MRPL13: variants seen among roughly 807,000 people sequenced by gnomAD.
MRPL13 encodes mitochondrial ribosomal protein L13.
Under a neutral mutation model 29.0 loss-of-function variants are expected in MRPL13, and 33 were observed. The ratio of observed to expected loss-of-function variants is 1.14; its 90% CI spans 0.86 to 1.52. The LOEUF is 1.52. Ranked by LOEUF, MRPL13 falls within the 40% of genes most tolerant of loss-of-function variation. The pLI is 0.00. For synonymous variants in MRPL13, 77 were observed against 68.4 expected, an observed-to-expected ratio of 1.13 and a Z score of -0.62; for missense variants, 227 against 216.7, an observed-to-expected ratio of 1.05 and a Z score of -0.30.
chr8:120,397,333 A>C (rs1012754463), intron 6 of MRPL13, among the ~76,000 whole-genome samples: 5 of 152,142 alleles, frequency 3.3e-5, no homozygotes, highest in African/African-American at 1.2e-4. Context: ...AAATTCTCCA[A>C]GGAAGGGAGC....
intron 2 of MRPL13, among the ~76,000 whole-genome samples, chr8:120,434,224 A>G (rs1813027553): frequency 1.3e-5 from 2 of 152,110 alleles, no homozygotes; most frequent in South Asian, 4.1e-4. Context: ...TTCTCCCTTA[A>G]GCCAGAATGA....
chr8:120,432,162 A>T (rs767603965), intron 2 of MRPL13, 39 bp from the exon 3 acceptor site: 236 of 1,491,544 alleles, frequency 1.6e-4, no homozygotes, highest in Non-Finnish European at 2.1e-4. Context: ...TAAGAAAAAT[A>T]AAAACCTTAA....
intron 6 of MRPL13, among the ~76,000 whole-genome samples, chr8:120,407,410 G>A (rs1812686783): frequency 6.6e-6 from 1 of 152,040 alleles, no homozygotes; most frequent in Non-Finnish European, 1.5e-5. Context: ...ACTTTGGGAG[G>A]CCGAGGTGGG....
intron 4 of MRPL13, among the ~76,000 whole-genome samples, chr8:120,423,614 G>A (rs1812898573): frequency 6.6e-6 from 1 of 152,078 alleles, no homozygotes; most frequent in Non-Finnish European, 1.5e-5. Context: ...TGGAATAATT[G>A]TTATCTTAGA....
intron 3 of MRPL13, among the ~76,000 whole-genome samples, chr8:120,427,740 G>A (rs917268569): frequency 4.6e-5 from 7 of 151,976 alleles, no homozygotes; most frequent in Non-Finnish European, 2.9e-5. Flanking sequence ...GAGGTGTGAG[G>A]ACTTCTTGAG....
chr8:120,404,246 G>A (rs1010652866), intron 6 of MRPL13, among the ~76,000 whole-genome samples: 2 of 152,140 alleles, frequency 1.3e-5, no homozygotes, highest in African/African-American at 4.8e-5. Context: ...TGCCCCACAA[G>A]AAGTCTGCAA....
chr8:120,401,554 T>C (rs1413213514), intron 6 of MRPL13, among the ~76,000 whole-genome samples: 4 of 152,130 alleles, frequency 2.6e-5, no homozygotes, highest in African/African-American at 9.7e-5. Flanking sequence ...TCATACTGAA[T>C]GGCGAAAAGC....
At chr8:120,396,461 T>G (rs1812525854) in intron 6 of MRPL13, among the ~76,000 whole-genome samples, 1 of 152,188 alleles carries the variant, frequency 6.6e-6, no homozygotes, top group Non-Finnish European at 1.5e-5. Context: ...TACTATAATC[T>G]TTAAGAGTTT....
chr8:120,432,081 ATG>A lies in MRPL13; in HGVS notation c.192_193del (p.Ile65CysfsTer23), dbSNP rs1405270128. ...TTCCCATTTGTTTCCAGAAAATGCA[ATG>A]TGTCTTGTGTTCATTATAACAACAT... On this transcript the variant is annotated frameshift_variant, in exon 3 of 7. Coordinates refer to ENST00000306185, the MANE Select transcript of MRPL13 (RefSeq NM_014078.6). LOFTEE classifies it high-confidence loss of function. 3.7e-6 allele frequency: 6 copies of A among 1,609,870 alleles called. No homozygotes were observed. The South Asian group carries it at 5.5e-5, about 15-fold the overall frequency.
At chr8:120,438,732 C>T (rs1363338764) in intron 2 of MRPL13, among the ~76,000 whole-genome samples, 1 of 152,198 alleles carries the variant, frequency 6.6e-6, no homozygotes, top group African/African-American at 2.4e-5. Context: ...GAATTTCCTA[C>T]ATAAGAAACA....
intron 6 of MRPL13, among the ~76,000 whole-genome samples, chr8:120,410,146 G>A (rs1309636238): frequency 6.6e-6 from 1 of 152,078 alleles, no homozygotes; most frequent in Non-Finnish European, 1.5e-5. Flanking sequence ...ATTATAAGAT[G>A]TACATTCTAA....
chr8:120,407,376 A>C (rs1174685295), intron 6 of MRPL13, among the ~76,000 whole-genome samples: 1 of 152,160 alleles, frequency 6.6e-6, no homozygotes, highest in Admixed American at 6.5e-5. Context: ...GTGACACTTA[A>C]CATTATTGGT....
At chr8:120,404,969 C>T (rs11988845) in intron 6 of MRPL13, among the ~76,000 whole-genome samples, 1 of 152,096 alleles carries the variant, frequency 6.6e-6, no homozygotes, top group Admixed American at 6.5e-5. Flanking sequence ...CAGTGGATGC[C>T]TAGTATATCT....
chr8:120,409,462 A>G (rs531140477), intron 6 of MRPL13, among the ~76,000 whole-genome samples: 1 of 152,342 alleles, frequency 6.6e-6, no homozygotes, highest in East Asian at 1.9e-4. Flanking sequence ...AACTGCAATA[A>G]TCATGTAACA....
chr8:120,444,929 T>A, intron 1 of MRPL13, 139 bp downstream of exon 1: 1 of 1,035,134 alleles, frequency 9.7e-7, no homozygotes, highest in Non-Finnish European at 1.5e-6. Flanking sequence ...GACGACCCTC[T>A]TGTGCTTTCC....
chr8:120,415,059 A>C (rs1223078891), intron 5 of MRPL13: 1 of 152,214 alleles, frequency 6.6e-6, no homozygotes, highest in Non-Finnish European at 1.5e-5. Flanking sequence ...AAAAGAAGAA[A>C]GCATTGGAAT....
rs1812919267 is a variant in MRPL13, at chr8:120,425,291, A to G, written c.306+15T>C. On this transcript the variant is annotated intron_variant, in intron 4 of 6. Coordinates refer to ENST00000306185, the MANE Select transcript of MRPL13 (RefSeq NM_014078.6). The stretch of plus-strand genomic sequence containing the variant: ...TCTTTCCAAAGATGATTAATAAAAA[A>G]TACAAGAAACTTACTGCCACTGGAT... 1 of 1,602,630 alleles carries G rather than the reference A, an allele frequency of 6.2e-7. No individual in the cohort carries two copies. The highest frequency in any genetic ancestry group is 1.3e-5 in the African/African-American group (1 of 74,608).
chr8:120,403,345 T>A (rs2130451829), intron 6 of MRPL13, among the ~76,000 whole-genome samples: 1 of 152,296 alleles, frequency 6.6e-6, no homozygotes, highest in South Asian at 2.1e-4. Context: ...TGCAGGAACA[T>A]GGATGGAGCT....
rs1490413959 is a variant in MRPL13, at chr8:120,432,118, A to G, written c.157T>C (p.Cys53Arg). The change falls in exon 3 of 7, where the codon TGT (cysteine) becomes CGT (arginine). Residue 53 changes from cysteine (C) to arginine (R), a missense_variant. By Grantham distance (180) the Cys-to-Arg change is radical. Coordinates refer to ENST00000306185, the MANE Select transcript of MRPL13 (RefSeq NM_014078.6). ...TTCATTATAACAACATGATCCCCAC[A>G]GTCACCTACATTTTAAAAAGAAACA... ...HKPVYHALSD[C>R]GDHVVIMNTR... 1.9e-6 allele frequency: 3 copies of G among 1,575,150 alleles called. No individual in the cohort carries two copies. Among genetic ancestry groups the G allele is most frequent in the Non-Finnish European group, 2.6e-6 (3 of 1,165,188 alleles).
Sources: allele counts gnomAD v4.1 joint callset (sites outside exome capture counted in the v4.1 genomes callset), GRCh38; gene constraint gnomAD v4.1.1; transcripts MANE v1.5; gene names NCBI Gene and HGNC (gene_info 2026-07-23, HGNC 2026-07-21).